The following WDFY4 variants were observed in gnomAD, a reference collection of about 807,000 sequenced individuals.
WDFY4 encodes WDFY family member 4.
In WDFY4, 169 loss-of-function variants were observed where a neutral mutation model predicts 351.9. The observed-to-expected ratio is 0.48, with a 90% CI of 0.42 to 0.55. The LOEUF is 0.55. WDFY4 is among the 20% of genes least tolerant of loss of function. The pLI, the probability that WDFY4 is intolerant of heterozygous loss-of-function variation, is 0.00. For synonymous variants in WDFY4, 1,622 were observed against 1,574.6 expected (o/e 1.03, Z -0.71); for missense variants, 3,803 against 3,935.6 (o/e 0.97, Z 0.90).
chr10:48,704,223 G>A (rs867975580), intron 1 of WDFY4, among the ~76,000 whole-genome samples: 8 of 152,286 alleles, frequency 5.3e-5, no homozygotes, highest in African/African-American at 1.7e-4. Flanking sequence ...GAGAGGGGAA[G>A]TGACTCAGTT....
chr10:48,861,177 A>G (rs2069329468), intron 39 of WDFY4, among the ~76,000 whole-genome samples: 1 of 152,212 alleles, frequency 6.6e-6, no homozygotes, highest in South Asian at 2.1e-4. Flanking sequence ...ACACAGTGTT[A>G]TAAAATCAGA....
chr10:48,690,303 T>A (rs1379781211), intron 1 of WDFY4, among the ~76,000 whole-genome samples: 1 of 152,220 alleles, frequency 6.6e-6, no homozygotes, highest in East Asian at 1.9e-4. Context: ...ATGTAGAACA[T>A]GTTTATGATA....
rs1017625401 is a variant in WDFY4 at position 48,805,346 on chromosome 10, C to G, written c.4571C>G (p.Pro1524Arg). ...CTATTCAATGAGCCGAGCCTCATCCCCTCCAAGATCTCCACCATCATTGGC... is the reference window on the plus strand; with the variant it reads ...CTATTCAATGAGCCGAGCCTCATCCGCTCCAAGATCTCCACCATCATTGGC... ...IFLFNEPSLI[P>R]SKISTIIGIL... The change falls in exon 26 of 62, where the codon CCC becomes CGC. Residue 1524 changes from proline (P) to arginine (R), a missense_variant. Transcript: ENST00000325239. 1.4e-5 allele frequency: 22 copies of G among 1,549,378 alleles called. No homozygotes were observed. The highest frequency in any genetic ancestry group is 1.9e-5 in the Non-Finnish European group (22 of 1,147,008).
At chr10:48,978,247 C>A (rs919563629) in intron 59 of WDFY4, 62 bp from the exon 60 acceptor site, 1 of 1,513,952 alleles carries the variant, frequency 6.6e-7, no homozygotes, top group Non-Finnish European at 8.9e-7. Context: ...ATGGACTAGG[C>A]CACTCCAAGC....
intron 10 of WDFY4, among the ~76,000 whole-genome samples, chr10:48,734,525 T>TAG (rs757861313): frequency 4.1e-4 from 61 of 147,122 alleles, no homozygotes; most frequent in Middle Eastern, 3.5e-3. Flanking sequence ...AATATGTGCA[T>TAG]ATATATATAT....
intron 19 of WDFY4, among the ~76,000 whole-genome samples, chr10:48,780,593 A>G (rs1421342244): frequency 2.0e-5 from 3 of 152,216 alleles, no homozygotes; most frequent in Admixed American, 6.5e-5. Flanking sequence ...ATTTAGAGCA[A>G]GAACCATGAG....
At chr10:48,928,385 T>TGA (rs1839762332) in intron 47 of WDFY4, among the ~76,000 whole-genome samples, 1 of 148,934 alleles carries the variant, frequency 6.7e-6, no homozygotes, top group African/African-American at 2.5e-5. Context: ...TGTGTGTGTG[T>TGA]GTGTGTGTGT....
chr10:48,716,604 C>T (rs2063918365), intron 2 of WDFY4, among the ~76,000 whole-genome samples: 2 of 152,166 alleles, frequency 1.3e-5, no homozygotes, highest in South Asian at 2.1e-4. Context: ...AGAGTTAACG[C>T]AGCTTCCAGA....
intron 12 of WDFY4, among the ~76,000 whole-genome samples, chr10:48,747,685 A>T (rs1393012834): frequency 6.6e-6 from 1 of 152,208 alleles, no homozygotes; most frequent in African/African-American, 2.4e-5. Flanking sequence ...TTATATGTCT[A>T]GATATACTGT....
At chr10:48,750,541 T>C (rs2065150548) in intron 12 of WDFY4, among the ~76,000 whole-genome samples, 1 of 152,248 alleles carries the variant, frequency 6.6e-6, no homozygotes, top group South Asian at 2.1e-4. Flanking sequence ...TCCCCTGGCC[T>C]GCCCATCCCC....
intron 20 of WDFY4, among the ~76,000 whole-genome samples, chr10:48,788,069 C>G (rs1449512973): frequency 7.4e-5 from 11 of 149,596 alleles, no homozygotes; most frequent in Non-Finnish European, 1.6e-4. Flanking sequence ...ACTCTGTCAC[C>G]CAGACTGGAG....
Position 48,901,803 on chromosome 10 carries a change from T to A in WDFY4, c.7526T>A (p.Phe2509Tyr). 1 of 1,551,580 alleles carries A rather than the reference T, an allele frequency of 6.4e-7. No individual in the cohort carries two copies. The highest frequency in any genetic ancestry group is 1.4e-5 in the African/African-American group (1 of 73,160). Residue 2509 changes from phenylalanine (F) to tyrosine (Y), a missense_variant and splice_region_variant, in exon 47 of 62, where the codon TTC becomes TAC. Coordinates refer to ENST00000325239, the MANE Select transcript of WDFY4 (RefSeq NM_001394531.1). Reference sequence around the variant, plus strand: ...TTATCCCTTCCCTTTTCATGTAGCTTCTGCTCTTTCCAACCCAGCCTGAAG... The same window carrying A: ...TTATCCCTTCCCTTTTCATGTAGCTACTGCTCTTTCCAACCCAGCCTGAAG... The part of the protein sequence containing the change: ...NNDRSKAFKS[F>Y]CSFQPSLKGK...
intron 43 of WDFY4, among the ~76,000 whole-genome samples, chr10:48,886,094 A>C (rs2070445765): frequency 6.6e-6 from 1 of 152,236 alleles, no homozygotes; most frequent in Non-Finnish European, 1.5e-5. Context: ...CTCACCGTAC[A>C]CACAAACGTA....
At chr10:48,911,630 G>C (rs200802883) in intron 47 of WDFY4, among the ~76,000 whole-genome samples, 1 of 152,066 alleles carries the variant, frequency 6.6e-6, no homozygotes, top group Non-Finnish European at 1.5e-5. Flanking sequence ...TTCAAAGCAG[G>C]ACAGAAATGA....
chr10:48,728,350 G>A (rs1012444231), intron 7 of WDFY4, among the ~76,000 whole-genome samples: 6 of 152,144 alleles, frequency 3.9e-5, no homozygotes, highest in Middle Eastern at 3.2e-3. Context: ...TATCATCTTC[G>A]AGTGGGGCCC....
Position 48,893,746 on chromosome 10 carries a change from T to C in WDFY4, c.7316+3019T>C, listed in dbSNP as rs568913048. 1.7e-4 allele frequency among the ~76,000 whole-genome samples: 26 copies of C among 152,330 alleles called. No homozygotes were observed. The South Asian group carries it at 4.8e-3, about 28-fold the overall frequency. On this transcript the variant is annotated intron_variant, in intron 44 of 61. Transcript: ENST00000325239. The stretch of plus-strand genomic sequence containing the variant: ...TTCAAATGTGGGCCAAATCGAAGTA[T>C]GTTTTATCCTGAAATCCACTTCTAC...
At chr10:48,823,955 C>T (rs1052320788) in intron 35 of WDFY4, 1 of 985,366 alleles carries the variant, frequency 1.0e-6, no homozygotes, top group African/African-American at 1.7e-5. Context: ...ATTGCGTTAC[C>T]TGTGAAATTC....
chr10:48,873,991 G>A, intron 41 of WDFY4, among the ~76,000 whole-genome samples: 1 of 152,214 alleles, frequency 6.6e-6, no homozygotes, highest in South Asian at 2.1e-4. Context: ...CTGTGCTGCA[G>A]TCCACACAAG....
intron 43 of WDFY4, 95 bp from the exon 44 acceptor site, chr10:48,890,483 GC>G (rs2070648083): frequency 6.9e-7 from 1 of 1,439,494 alleles, no homozygotes. Context: ...ACCTCCAATT[GC>G]CCCATGGATG....
Sources: allele counts gnomAD v4.1 joint callset (sites outside exome capture counted in the v4.1 genomes callset), GRCh38; gene constraint gnomAD v4.1.1; transcripts MANE v1.5; gene names NCBI Gene and HGNC (gene_info 2026-07-23, HGNC 2026-07-21).